The following MED12L variants were observed in gnomAD, a reference collection of about 807,000 sequenced individuals.
MED12L encodes mediator complex subunit 12L, also known as mediator of RNA polymerase II transcription subunit 12-like protein.
MED12L carries 60 observed loss-of-function variants against 281.3 expected under a neutral mutation model. The observed-to-expected ratio is 0.21, with a 90% CI of 0.17 to 0.26. MED12L has a LOEUF of 0.26. Ranked by LOEUF, MED12L falls within the 10% of genes least tolerant of loss-of-function variation. The probability of loss-of-function intolerance (pLI) is 1.00; values close to 1 mark genes in which losing one functional copy is unlikely to be tolerated. For synonymous variants in MED12L, 974 were observed against 987.2 expected, an observed-to-expected ratio of 0.99 and a Z score of 0.25; for missense variants, 2,146 against 2,680.9, an observed-to-expected ratio of 0.80 and a Z score of 4.41.
At chr3:151,142,882 A>T (rs1343096201) in intron 5 of MED12L, among the ~76,000 whole-genome samples, 1 of 152,152 alleles carries the variant, frequency 6.6e-6, no homozygotes, top group Non-Finnish European at 1.5e-5. Context: ...ATGTGTATAA[A>T]CTTCCAAGTG....
At chr3:151,323,852 C>A (rs977146635) in intron 16 of MED12L, among the ~76,000 whole-genome samples, 1 of 152,210 alleles carries the variant, frequency 6.6e-6, no homozygotes, top group Non-Finnish European at 1.5e-5. Flanking sequence ...TCCCCCTGAG[C>A]TCTCAAGTGC....
At chr3:151,363,256 A>T (rs960343860) in intron 21 of MED12L, among the ~76,000 whole-genome samples, 3 of 152,182 alleles carry the variant, frequency 2.0e-5, no homozygotes, top group Non-Finnish European at 4.4e-5. Flanking sequence ...TCTTGAAGTC[A>T]GAGACCTATT....
chr3:151,337,496 A>G (rs1224562820), intron 16 of MED12L: 1 of 251,738 alleles, frequency 4.0e-6, no homozygotes, highest in African/African-American at 2.3e-5. Context: ...GTATTTTAAA[A>G]ATTACAGTAA....
intron 16 of MED12L, among the ~76,000 whole-genome samples, chr3:151,334,528 T>C (rs977863692): frequency 2.0e-5 from 3 of 152,046 alleles, no homozygotes; most frequent in Non-Finnish European, 4.4e-5. Context: ...TATTTAGAGA[T>C]GGAGTCTCAC....
intron 16 of MED12L, among the ~76,000 whole-genome samples, chr3:151,229,185 A>G (rs981212276): frequency 2.0e-5 from 3 of 152,160 alleles, no homozygotes; most frequent in Non-Finnish European, 4.4e-5. Context: ...AGTGATTCCC[A>G]TATACTCTCT....
chr3:151,096,106 G>T (rs190418039), intron 2 of MED12L, among the ~76,000 whole-genome samples: 2 of 152,290 alleles, frequency 1.3e-5, no homozygotes, highest in African/African-American at 4.8e-5. Flanking sequence ...TGGATCTGGG[G>T]CAACCATCTT....
At chr3:151,307,805 C>T (rs1365967344) in intron 16 of MED12L, among the ~76,000 whole-genome samples, 2 of 152,148 alleles carry the variant, frequency 1.3e-5, no homozygotes, top group Admixed American at 6.5e-5. Flanking sequence ...AACAGGCTGC[C>T]TCTGTGGTGT....
chr3:151,309,141 G>GCACACACACACACACACACACACACGCA (rs1553775156), intron 16 of MED12L, among the ~76,000 whole-genome samples: 34 of 147,600 alleles, frequency 2.3e-4, no homozygotes, highest in African/African-American at 8.0e-4. Context: ...ACACACACAC[G>GCACACACACACACACACACACACACGCA]CACACACACA....
intron 37 of MED12L, among the ~76,000 whole-genome samples, chr3:151,388,573 G>C (rs895977505): frequency 6.6e-6 from 1 of 152,106 alleles, no homozygotes; most frequent in African/African-American, 2.4e-5. Flanking sequence ...AACATAAAAA[G>C]CTCTATTTGG....
chr3:151,270,030 G>A (rs1740584997), intron 16 of MED12L: 1 of 236,220 alleles, frequency 4.2e-6, no homozygotes, highest in Non-Finnish European at 8.3e-6. Flanking sequence ...TGATGAAGAA[G>A]GATGGGAAGA....
At chr3:151,328,694 A>G in intron 16 of MED12L, 1 of 1,613,920 alleles carries the variant, frequency 6.2e-7, no homozygotes, top group Non-Finnish European at 8.5e-7. Flanking sequence ...ATAAAATATC[A>G]CCGAAGAAAA....
chr3:151,387,090 C>T (rs1713521375), intron 36 of MED12L, among the ~76,000 whole-genome samples: 1 of 152,112 alleles, frequency 6.6e-6, no homozygotes, highest in Non-Finnish European at 1.5e-5. Context: ...TAGGGAATGA[C>T]TGAGTAGTTA....
At chr3:151,126,162 C>T (rs1011837250) in intron 4 of MED12L, among the ~76,000 whole-genome samples, 21 of 151,948 alleles carry the variant, frequency 1.4e-4, no homozygotes, top group Admixed American at 9.8e-4. Flanking sequence ...AATTCTCCCA[C>T]CTCAGCCTCC....
intron 12 of MED12L, among the ~76,000 whole-genome samples, chr3:151,187,403 C>T (rs1723425838): frequency 6.6e-6 from 1 of 151,784 alleles, no homozygotes; most frequent in African/African-American, 2.4e-5. Context: ...TTTTAATAGC[C>T]TAAATGTATC....
intron 3 of MED12L, among the ~76,000 whole-genome samples, chr3:151,119,868 A>G (rs918697843): frequency 2.6e-5 from 4 of 152,176 alleles, no homozygotes; most frequent in Admixed American, 1.3e-4. Flanking sequence ...CCACATTCTT[A>G]TCAAATGAAT....
intron 16 of MED12L, among the ~76,000 whole-genome samples, chr3:151,339,087 T>C (rs535497951): frequency 2.2e-4 from 33 of 152,316 alleles, no homozygotes; most frequent in Admixed American, 1.0e-3. Context: ...TGTGAAGTTA[T>C]AGATGCTTAG....
chr3:151,197,096 T>C (rs535377373), intron 16 of MED12L, among the ~76,000 whole-genome samples: 6 of 152,306 alleles, frequency 3.9e-5, no homozygotes, highest in African/African-American at 9.6e-5. Context: ...TCACCAGCAG[T>C]GGAGAGAATT....
intron 16 of MED12L, chr3:151,294,768 C>A: frequency 1.9e-6 from 3 of 1,614,140 alleles, no homozygotes; most frequent in Non-Finnish European, 2.5e-6. Flanking sequence ...ACAGATAAAA[C>A]CTTCGTGAAG....
intron 5 of MED12L, among the ~76,000 whole-genome samples, chr3:151,130,667 G>A (rs185820943): frequency 2.6e-5 from 4 of 152,228 alleles, no homozygotes; most frequent in African/African-American, 4.8e-5. Flanking sequence ...CTGTGGGCGC[G>A]GCTCTTCCTT....
Sources: allele counts gnomAD v4.1 joint callset (sites outside exome capture counted in the v4.1 genomes callset), GRCh38; gene constraint gnomAD v4.1.1; transcripts MANE v1.5; gene names NCBI Gene and HGNC (gene_info 2026-07-23, HGNC 2026-07-21).